FRY: variants seen among roughly 807,000 people sequenced by gnomAD.
The protein encoded by FRY is FRY microtubule binding protein, also known as protein furry homolog.
In FRY, 128 loss-of-function variants were observed where a neutral mutation model predicts 348.4. The observed-to-expected ratio is 0.37, with a 90% CI of 0.32 to 0.43. The LOEUF (loss-of-function observed/expected upper bound fraction) is 0.43. FRY is among the 20% of genes least tolerant of loss of function. The pLI, the probability that FRY is intolerant of heterozygous loss-of-function variation, is 1.00. For synonymous variants in FRY, 1,370 were observed against 1,374.7 expected (o/e 1.00, Z 0.08); for missense variants, 2,736 against 3,695.2 (o/e 0.74, Z 6.73).
In FRY at chr13:32,208,808, T is replaced by G. The variant is rs775706209; in HGVS notation, c.4019-45T>G. On this transcript the variant is annotated intron_variant, in intron 31 of 60. Transcript: ENST00000542859. ...GCATTTGAATTTCCATTTATTTTGG[T>G]GGAATAAGGTATGGATGACTCTCTG... 1.9e-6 allele frequency: 3 copies of G among 1,611,752 alleles called. No homozygotes were observed. In the Admixed American group the frequency reaches 5.0e-5, roughly 27 times the overall value.
intron 17 of FRY, among the ~76,000 whole-genome samples, chr13:32,164,999 A>T (rs1481182490): frequency 6.6e-6 from 1 of 152,174 alleles, no homozygotes; most frequent in African/African-American, 2.4e-5. Flanking sequence ...TTATTTTTAG[A>T]TATCTTCACA....
At chr13:32,224,880 A>C in intron 37 of FRY, 53 bp from the exon 38 acceptor site, 1 of 995,964 alleles carries the variant, frequency 1.0e-6, no homozygotes, top group East Asian at 2.4e-5. Flanking sequence ...ATGATCTACT[A>C]GTATTTCCAT....
chr13:32,173,735 T>C (rs904328507), intron 19 of FRY, among the ~76,000 whole-genome samples, 186 bp downstream of exon 19: 15 of 152,210 alleles, frequency 9.9e-5, no homozygotes, highest in African/African-American at 3.6e-4. Context: ...TCATATTTTC[T>C]AAAAGCAATA....
At chr13:32,140,536 T>C (rs1879997880) in intron 11 of FRY, among the ~76,000 whole-genome samples, 1 of 152,062 alleles carries the variant, frequency 6.6e-6, no homozygotes, top group Non-Finnish European at 1.5e-5. Flanking sequence ...CCTGGTCTCT[T>C]AGACCTTGTA....
chr13:32,211,457 T>G (rs1040147954), intron 34 of FRY, among the ~76,000 whole-genome samples: 5 of 151,916 alleles, frequency 3.3e-5, no homozygotes, highest in African/African-American at 1.2e-4. Flanking sequence ...AGACTGTATC[T>G]CAAAAAAAAG....
intron 51 of FRY, among the ~76,000 whole-genome samples, chr13:32,259,999 T>C (rs1383997097): frequency 1.3e-5 from 2 of 152,168 alleles, no homozygotes; most frequent in Admixed American, 1.3e-4. Context: ...ATAATGATGA[T>C]TTCTATATCT....
chr13:32,098,079 C>T (rs1283893986), intron 2 of FRY, among the ~76,000 whole-genome samples: 8 of 152,062 alleles, frequency 5.3e-5, no homozygotes, highest in African/African-American at 1.5e-4. Flanking sequence ...AAGCGAAATG[C>T]ACATGGTGGT....
rs1051131435 is a variant in FRY at position 32,175,486 on chromosome 13, G to C, written c.2335-60G>C. The C allele has an allele frequency of 7.0e-5, 70 of 993,986 alleles. No individual in the cohort carries two copies. The African/African-American group carries it at 1.0e-3, about 15-fold the overall frequency. 61.6% of individuals were successfully genotyped at this position (993,986 alleles called of 1,614,324 possible). A position where few individuals can be genotyped will look rare whatever the true frequency, so the allele number is the denominator to read the frequency against. On this transcript the variant is annotated intron_variant, in intron 19 of 60. Coordinates refer to ENST00000542859, the MANE Select transcript of FRY (RefSeq NM_023037.3). ...CTGCTTCATGTATCAGACGAAGGCG[G>C]TGGGGTGGGTGGGGAGGATTCATTT...
At chr13:32,224,170 T>C in intron 36 of FRY, 65 bp from the exon 37 acceptor site, 1 of 1,339,668 alleles carries the variant, frequency 7.5e-7, no homozygotes, top group Non-Finnish European at 1.1e-6. Context: ...TCTGAAAACA[T>C]CAAGTAGAGA....
chr13:32,108,520 A>G (rs1416768024), intron 3 of FRY, among the ~76,000 whole-genome samples: 1 of 152,242 alleles, frequency 6.6e-6, no homozygotes, highest in Non-Finnish European at 1.5e-5. Flanking sequence ...ACTCACATAG[A>G]GATATAAAAT....
At chr13:32,097,754 C>A (rs1261829237) in intron 2 of FRY, among the ~76,000 whole-genome samples, 1 of 151,828 alleles carries the variant, frequency 6.6e-6, no homozygotes, top group African/African-American at 2.4e-5. Context: ...AAATTACTAT[C>A]TTATATGTTT....
At chr13:32,284,702 TAGG>T (rs898356478) in intron 58 of FRY, among the ~76,000 whole-genome samples, 3 of 152,240 alleles carry the variant, frequency 2.0e-5, no homozygotes, top group African/African-American at 7.2e-5. Flanking sequence ...TCCCAACTTT[TAGG>T]AGATTTCATC....
intron 58 of FRY, among the ~76,000 whole-genome samples, chr13:32,283,169 A>G (rs1888897435): frequency 6.6e-6 from 1 of 151,784 alleles, no homozygotes. Flanking sequence ...AACAACAACG[A>G]AAAAAACTTT....
chr13:32,096,715 A>G (rs957619238), intron 2 of FRY, among the ~76,000 whole-genome samples: 2 of 145,482 alleles, frequency 1.4e-5, no homozygotes, highest in African/African-American at 5.1e-5. Context: ...AGGCAGGAGA[A>G]TCTCTTGAAT....
At chr13:32,036,592 A>G (rs550771618) in intron 1 of FRY, among the ~76,000 whole-genome samples, 1 of 152,258 alleles carries the variant, frequency 6.6e-6, no homozygotes, top group Non-Finnish European at 1.5e-5. Flanking sequence ...GTTTTTCCCA[A>G]CTGTGACACT....
At chr13:32,043,640 C>T (rs1872865075) in intron 1 of FRY, among the ~76,000 whole-genome samples, 1 of 152,106 alleles carries the variant, frequency 6.6e-6, no homozygotes, top group South Asian at 2.1e-4. Context: ...TGATGAACCT[C>T]TAGTGGGAGT....
At chr13:32,130,528 A>G (rs1044080487) in intron 7 of FRY, among the ~76,000 whole-genome samples, 24 of 149,862 alleles carry the variant, frequency 1.6e-4, no homozygotes, top group African/African-American at 5.7e-4. Context: ...TGTCAGACTT[A>G]GTGGTATGGA....
chr13:32,295,801 T>C lies in FRY; in HGVS notation c.*341T>C, dbSNP rs2072052172. On this transcript the variant is annotated 3_prime_UTR_variant, in exon 61 of 61. Transcript: ENST00000542859. ...CAGTACCTTCCTTTCTAGAAACAATTTTAGATTGGCAAAAGTGCAATGTTT... is the reference window on the plus strand; with the variant it reads ...CAGTACCTTCCTTTCTAGAAACAATCTTAGATTGGCAAAAGTGCAATGTTT... 3.5e-6 allele frequency: 1 copy of C among 284,918 alleles called. No individual in the cohort carries two copies. The highest frequency in any genetic ancestry group is 6.6e-6 in the Non-Finnish European group (1 of 150,926). The allele number at this position is 284,918 out of a possible 1,614,324, so 17.6% of individuals were successfully genotyped here. A position where few individuals can be genotyped will look rare whatever the true frequency, so the allele number is the denominator to read the frequency against.
At chr13:32,122,455 GA>G (rs537494910) in intron 4 of FRY, among the ~76,000 whole-genome samples, 27 of 141,430 alleles carry the variant, frequency 1.9e-4, no homozygotes, top group East Asian at 6.2e-4. Context: ...AAAAAAAAAA[GA>G]AAAAAAAAAG....
Sources: allele counts gnomAD v4.1 joint callset (sites outside exome capture counted in the v4.1 genomes callset), GRCh38; gene constraint gnomAD v4.1.1; transcripts MANE v1.5; gene names NCBI Gene and HGNC (gene_info 2026-07-23, HGNC 2026-07-21).